Variants in AACS observed in about 807,000 individuals in gnomAD.
AACS encodes the protein acetoacetate-CoA ligase.
In AACS, 69 loss-of-function variants were observed where a neutral mutation model predicts 83.1. The observed-to-expected ratio is 0.83, with a 90% CI of 0.68 to 1.01. The LOEUF is 1.01. AACS is among the 50% of genes least tolerant of loss of function. The pLI, the probability that AACS is intolerant of heterozygous loss-of-function variation, is 0.00. For synonymous variants in AACS, 333 were observed against 343.4 expected (o/e 0.97, Z 0.33); for missense variants, 866 against 882.2 (o/e 0.98, Z 0.23).
Position 125,124,755 on chromosome 12 carries a change from A to G in AACS, c.1172A>G (p.Lys391Arg). The G allele has an allele frequency of 6.2e-7, 1 of 1,614,226 alleles. No homozygotes were observed. Among genetic ancestry groups the G allele is most frequent in the Non-Finnish European group, 8.5e-7 (1 of 1,180,050 alleles). The part of the protein sequence containing the change: ...GAKWLSVLEE[K>R]AMKPVETHSL... ...AAGTGGCTGTCAGTGCTGGAAGAGA[A>G]GGCCATGAAGCCGGGTGAGTGTGCC... The change falls in exon 11 of 18, where the codon AAG becomes AGG. Residue 391 changes from lysine (K) to arginine (R), a missense_variant. Transcript: ENST00000316519.
chr12:125,125,931 G>T (rs1476280512), intron 12 of AACS: 1 of 151,776 alleles, frequency 6.6e-6, no homozygotes, highest in Admixed American at 6.6e-5. Context: ...ATATATATGG[G>T]TGTATTATAT....
rs371924705 is a variant in AACS, at chr12:125,116,620, C to A, written c.997-2021C>A. ...CTGGGACTACAGGCGCCCGCCCCCA[C>A]GCCTGGCTAATTTTTTTTGTATTTT... On this transcript the variant is annotated intron_variant, in intron 9 of 17. Transcript: ENST00000316519. Among the ~76,000 whole-genome samples, 8 of 152,182 alleles carry A rather than the reference C, an allele frequency of 5.3e-5. No homozygotes were observed. In the East Asian group the frequency reaches 9.7e-4, roughly 18 times the overall value.
intron 7 of AACS, among the ~76,000 whole-genome samples, chr12:125,104,600 G>T (rs58672539): frequency 0.031 from 4,722 of 152,266 alleles, 243 homozygotes; most frequent in African/African-American, 0.11. Context: ...TGAGGTATGA[G>T]CAGGGTCTGG....
intron 15 of AACS, 146 bp from the exon 16 acceptor site, chr12:125,134,648 G>A (rs1957374265): frequency 3.8e-6 from 3 of 796,090 alleles, no homozygotes; most frequent in Non-Finnish European, 6.2e-6. Flanking sequence ...CCGGGTGGTA[G>A]GGCAAGGAGC....
intron 7 of AACS, among the ~76,000 whole-genome samples, chr12:125,104,616 G>A (rs1956792906): frequency 6.6e-6 from 1 of 152,194 alleles, no homozygotes; most frequent in African/African-American, 2.4e-5. Context: ...TCTGGGGACA[G>A]CTGTGTGTGC....
chr12:125,100,256 A>G (rs1956686720), intron 5 of AACS, among the ~76,000 whole-genome samples: 1 of 152,206 alleles, frequency 6.6e-6, no homozygotes, highest in Non-Finnish European at 1.5e-5. Context: ...GCCTGCTAAG[A>G]AGCTTATGTT....
chr12:125,134,311 C>T (rs1171865313), intron 15 of AACS, among the ~76,000 whole-genome samples: 1 of 152,226 alleles, frequency 6.6e-6, no homozygotes, highest in Non-Finnish European at 1.5e-5. Context: ...CATCCCTGGG[C>T]CTGAAGACCC....
At chr12:125,139,333 C>G (rs1265059014) in intron 17 of AACS, 1 of 152,368 alleles carries the variant, frequency 6.6e-6, no homozygotes, top group Non-Finnish European at 1.5e-5. Context: ...TGGGGAGGCT[C>G]TGGCCGGCGT....
chr12:125,091,959 C>T (rs951258908), intron 5 of AACS, among the ~76,000 whole-genome samples: 1 of 152,240 alleles, frequency 6.6e-6, no homozygotes, highest in African/African-American at 2.4e-5. Flanking sequence ...CAGCCCCTTC[C>T]TCTGGACCCG....
At position 125,113,366 on chromosome 12, in the gene AACS, G is replaced by A. The variant is rs944699794; in HGVS notation, c.916-1111G>A. Among the ~76,000 whole-genome samples the A allele has an allele frequency of 6.6e-6, 1 of 152,212 alleles. No individual in the cohort carries two copies. The highest frequency in any genetic ancestry group is 2.4e-5 in the African/African-American group (1 of 41,434). On this transcript the variant is annotated intron_variant, in intron 8 of 17. Coordinates refer to ENST00000316519, the MANE Select transcript of AACS (RefSeq NM_023928.5). This position sits in a 1 kb window ranked among gnomAD's most constrained non-coding sequence, Gnocchi z 4.8. ...TCACATCTGTGGACCAGACTGAAGG[G>A]CAGTGGTCACTGAAGGGGCAGCATC...
intron 5 of AACS, among the ~76,000 whole-genome samples, chr12:125,093,937 C>T (rs1014438632): frequency 3.3e-5 from 5 of 152,322 alleles, no homozygotes; most frequent in South Asian, 2.1e-4. Context: ...GTGCACCCAG[C>T]GTGGGAGGGC....
chr12:125,125,807 ATGGCCAT>A (rs67305492), intron 12 of AACS: 60,085 of 151,534 alleles, frequency 0.4, 12,362 homozygotes, highest in East Asian at 0.53. Flanking sequence ...ACATCGAAAC[ATGGCCAT>A]TGGCCATGAT....
At chr12:125,107,022 TG>T (rs988247788) in intron 7 of AACS, 98 bp from the exon 8 acceptor site, 1 of 1,541,744 alleles carries the variant, frequency 6.5e-7, no homozygotes, top group Non-Finnish European at 8.8e-7. Flanking sequence ...CTGGCTTTTC[TG>T]GGGGTAGAAA....
intron 8 of AACS, among the ~76,000 whole-genome samples, chr12:125,112,290 A>C (rs982126862): frequency 6.6e-6 from 1 of 152,140 alleles, no homozygotes; most frequent in Non-Finnish European, 1.5e-5. Context: ...GATTCTTGTT[A>C]AACTCCACCC....
At chr12:125,131,515 T>C (rs1326540978) in intron 14 of AACS, among the ~76,000 whole-genome samples, 1 of 152,162 alleles carries the variant, frequency 6.6e-6, no homozygotes, top group Non-Finnish European at 1.5e-5. Flanking sequence ...CCCGGCCTTG[T>C]GTAAATTTTA....
intron 9 of AACS, among the ~76,000 whole-genome samples, chr12:125,115,867 A>G (rs1349811437): frequency 6.6e-6 from 1 of 151,764 alleles, no homozygotes; most frequent in Non-Finnish European, 1.5e-5. Context: ...AGAGATGCAG[A>G]AAGGGTCAGA....
At chr12:125,093,387 G>T (rs1369191722) in intron 5 of AACS, among the ~76,000 whole-genome samples, 1 of 152,232 alleles carries the variant, frequency 6.6e-6, no homozygotes, top group Admixed American at 6.5e-5. Context: ...CTGGACCCCA[G>T]CCTGTCTCAC....
At chr12:125,115,766 C>T (rs562704720) in intron 9 of AACS, among the ~76,000 whole-genome samples, 2 of 151,986 alleles carry the variant, frequency 1.3e-5, no homozygotes, top group Admixed American at 6.6e-5. Context: ...GACTGTCAGA[C>T]CCCTGGGACT....
intron 3 of AACS, among the ~76,000 whole-genome samples, chr12:125,083,414 G>A (rs368285369): frequency 6.6e-4 from 98 of 148,784 alleles, no homozygotes; most frequent in African/African-American, 2.3e-3. Context: ...AATACCAGCG[G>A]GCAGGAGTCA....
Sources: gnomAD v4.1 joint callset for allele counts (sites outside exome capture counted in the v4.1 genomes callset) on GRCh38, gnomAD v4.1.1 for gene constraint, Gnocchi (gnomAD v3.1) non-coding constraint, MANE v1.5 for transcripts, NCBI Gene and HGNC (gene_info 2026-07-23, HGNC 2026-07-21) for gene names.